HEG1: variants seen among roughly 807,000 people sequenced by gnomAD.
HEG1 encodes protein HEG homolog 1.
In HEG1, 56 loss-of-function variants were observed where a neutral mutation model predicts 125.6. The observed-to-expected ratio is 0.45, with a 90% CI of 0.36 to 0.56. The LOEUF (loss-of-function observed/expected upper bound fraction) is 0.56. HEG1 is among the 20% of genes least tolerant of loss of function. The probability of loss-of-function intolerance (pLI) is 0.00; values close to 1 mark genes in which losing one functional copy is unlikely to be tolerated. For missense variants in HEG1, 1,523 were observed against 1,670.0 expected, an observed-to-expected ratio of 0.91 and a Z score of 1.53; for synonymous variants, 644 against 668.5, an observed-to-expected ratio of 0.96 and a Z score of 0.57.
In HEG1 at chr3:125,014,809, T is replaced by C. The variant is rs1048529662; in HGVS notation, c.1589-819A>G. ...GAGGCACCCTCTGTTTCTTGGTGCA[T>C]GGCCGCTGCAGGGCTGCCTGCTTCC... On this transcript the variant is annotated intron_variant, in intron 5 of 16. Coordinates refer to ENST00000311127, the MANE Select transcript of HEG1 (RefSeq NM_020733.2). 3 of 1,289,766 alleles carry C rather than the reference T, an allele frequency of 2.3e-6. No homozygotes were observed. In the African/African-American group the frequency reaches 4.6e-5, roughly 20 times the overall value. The allele number at this position is 1,289,766 out of a possible 1,614,324, so 79.9% of individuals were successfully genotyped here. A position where few individuals can be genotyped will look rare whatever the true frequency, so the allele number is the denominator to read the frequency against.
chr3:124,974,635 C>G (rs570214036), intron 15 of HEG1, among the ~76,000 whole-genome samples: 1 of 152,324 alleles, frequency 6.6e-6, no homozygotes, highest in African/African-American at 2.4e-5. Flanking sequence ...ATCTCACTGA[C>G]TGCAAATTGT....
At chr3:125,041,381 T>C (rs1028713626) in intron 1 of HEG1, among the ~76,000 whole-genome samples, 25 of 152,292 alleles carry the variant, frequency 1.6e-4, no homozygotes, top group Admixed American at 1.0e-3. Context: ...ATGAGTAGCA[T>C]TTATAAATTC....
chr3:125,008,366 G>A (rs1937102552), intron 8 of HEG1, among the ~76,000 whole-genome samples: 2 of 152,154 alleles, frequency 1.3e-5, no homozygotes, highest in African/African-American at 4.8e-5. Flanking sequence ...CAGCCCACAG[G>A]TAATAGCACT....
chr3:124,989,216 T>C (rs1185464396), intron 14 of HEG1, among the ~76,000 whole-genome samples: 1 of 152,238 alleles, frequency 6.6e-6, no homozygotes, highest in Non-Finnish European at 1.5e-5. Context: ...ATTTCATTAT[T>C]TTTATTTTTT....
chr3:125,002,118 G>C, intron 10 of HEG1, 106 bp from the exon 11 acceptor site: 1 of 1,520,536 alleles, frequency 6.6e-7, no homozygotes, highest in South Asian at 1.2e-5. Context: ...GGATGGGAGA[G>C]CATGAAGGTC....
intron 1 of HEG1, among the ~76,000 whole-genome samples, chr3:125,041,462 C>G (rs534206448): frequency 2.8e-4 from 42 of 152,152 alleles, no homozygotes; most frequent in Non-Finnish European, 5.0e-4. Flanking sequence ...GAAATGCTGG[C>G]GAGGATATGG....
At chr3:125,044,180 G>T in intron 1 of HEG1, among the ~76,000 whole-genome samples, 1 of 152,214 alleles carries the variant, frequency 6.6e-6, no homozygotes, top group East Asian at 1.9e-4. Flanking sequence ...GGGCCTCCGA[G>T]GGGAGAAGCT....
intron 9 of HEG1, among the ~76,000 whole-genome samples, chr3:125,003,415 T>C (rs1937028558): frequency 6.6e-6 from 1 of 152,204 alleles, no homozygotes; most frequent in Non-Finnish European, 1.5e-5. Context: ...CAGGCAGCTG[T>C]GGCGAAGGGA....
rs1280428599 is a variant in HEG1 at position 125,029,448 on chromosome 3, G to A, written c.357C>T (p.Ala119=). 15 of 1,601,980 alleles carry A rather than the reference G, an allele frequency of 9.4e-6. No homozygotes were observed. The highest frequency in any genetic ancestry group is 1.3e-5 in the Non-Finnish European group (15 of 1,179,488). Residue 119 remains alanine, a synonymous_variant, in exon 2 of 17, where the codon GCC becomes GCT. Coordinates refer to ENST00000311127, the MANE Select transcript of HEG1 (RefSeq NM_020733.2). ...GATAGAAGGTGATGTTTTCTACATG[G>A]GCCTCAGTGTTACTTTCTGGCCAAT... ...WKHWPESNTE[A]HVENITFYQN... is the part of the protein sequence containing the mutation.
chr3:125,035,124 G>T (rs1003392682), intron 1 of HEG1, among the ~76,000 whole-genome samples: 2 of 152,016 alleles, frequency 1.3e-5, no homozygotes, highest in African/African-American at 4.8e-5. Flanking sequence ...CATCACACCT[G>T]GTTAATTTTT....
intron 8 of HEG1, among the ~76,000 whole-genome samples, chr3:125,005,712 A>C (rs953237087): frequency 4.6e-5 from 7 of 152,188 alleles, no homozygotes; most frequent in African/African-American, 1.7e-4. Context: ...GCTGCTACAA[A>C]GAAGAAAGAT....
chr3:125,016,275 A>G (rs1322256959), intron 5 of HEG1, among the ~76,000 whole-genome samples: 1 of 152,228 alleles, frequency 6.6e-6, no homozygotes, highest in Non-Finnish European at 1.5e-5. Flanking sequence ...CGGAGTGCAG[A>G]ACCCCGCCAG....
rs769211373 is a variant in HEG1 at position 124,997,806 on chromosome 3, G to A, written c.3535C>T (p.Arg1179Trp). 1.9e-5 allele frequency: 30 copies of A among 1,576,114 alleles called. No homozygotes were observed. The highest frequency in any genetic ancestry group is 1.0e-4 in the Admixed American group (6 of 57,292). The stretch of plus-strand genomic sequence containing the variant: ...TCTTTGTCACATTCGGGACTCTTCC[G>A]CTTGCACAAGCTGCCCGCTGGAATG... ...RIFRAGSLCK[R>W]KSPECDKDTS... The change falls in exon 12 of 17, where the codon CGG becomes TGG. Residue 1179 changes from arginine (R) to tryptophan (W), a missense_variant. Transcript: ENST00000311127.
chr3:125,055,528 C>A (rs1182743517), intron 1 of HEG1, 47 bp downstream of exon 1: 3 of 1,146,018 alleles, frequency 2.6e-6, no homozygotes, highest in African/African-American at 1.6e-5. Flanking sequence ...CGCGCCCACG[C>A]CCCCAGCACA....
intron 11 of HEG1, among the ~76,000 whole-genome samples, chr3:124,999,545 C>T (rs1157560158): frequency 4.6e-5 from 7 of 152,240 alleles, no homozygotes; most frequent in Non-Finnish European, 1.0e-4. Context: ...TTTCCTTCCA[C>T]CCTGCCCATT....
At chr3:125,029,680 A>G (rs779601151) in intron 1 of HEG1, among the ~76,000 whole-genome samples, 192 bp from the exon 2 acceptor site, 13 of 152,200 alleles carry the variant, frequency 8.5e-5, no homozygotes, top group Non-Finnish European at 1.9e-4. Flanking sequence ...ACCTGAGGTC[A>G]GGAGTTCGAG....
chr3:125,004,780 C>G, intron 9 of HEG1, among the ~76,000 whole-genome samples: 1 of 152,236 alleles, frequency 6.6e-6, no homozygotes, highest in East Asian at 1.9e-4. Flanking sequence ...AAAGACCCCT[C>G]GGTCATCTAT....
chr3:124,989,387 T>G (rs1414407099), intron 14 of HEG1, among the ~76,000 whole-genome samples: 1 of 152,194 alleles, frequency 6.6e-6, no homozygotes, highest in East Asian at 1.9e-4. Context: ...ACTTTCCTTC[T>G]AGTAAACTTA....
At chr3:124,994,566 C>T (rs7629095) in intron 12 of HEG1, among the ~76,000 whole-genome samples, 17 of 150,238 alleles carry the variant, frequency 1.1e-4, no homozygotes, top group South Asian at 2.1e-4. Context: ...AGTGCAGTGG[C>T]GGGATCTCAG....
Sources: gnomAD v4.1 joint callset for allele counts (sites outside exome capture counted in the v4.1 genomes callset) on GRCh38, gnomAD v4.1.1 for gene constraint, MANE v1.5 for transcripts, NCBI Gene and HGNC (gene_info 2026-07-23, HGNC 2026-07-21) for gene names.